The following L3MBTL4 variants were observed in gnomAD, a reference collection of about 807,000 sequenced individuals.
L3MBTL4 encodes the protein L3MBTL histone methyl-lysine binding protein 4.
Under a neutral mutation model 84.5 loss-of-function variants are expected in L3MBTL4, and 70 were observed. The ratio of observed to expected loss-of-function variants is 0.83; its 90% confidence interval spans 0.68 to 1.01. The LOEUF (loss-of-function observed/expected upper bound fraction) is 1.01, where lower values mean the gene tolerates loss of function less well. L3MBTL4 is among the 50% of genes least tolerant of loss of function. The probability of loss-of-function intolerance (pLI) is 0.00; values close to 1 mark genes in which losing one functional copy is unlikely to be tolerated. For synonymous variants in L3MBTL4, 274 were observed against 259.8 expected (o/e 1.05, Z -0.52); for missense variants, 715 against 754.8 (o/e 0.95, Z 0.62).
chr18:6,140,462 G>A (rs751266147), intron 13 of L3MBTL4, among the ~76,000 whole-genome samples: 3 of 152,054 alleles, frequency 2.0e-5, no homozygotes, highest in Non-Finnish European at 4.4e-5. Context: ...TTGTGCAGAC[G>A]AGGTGTTATC....
At chr18:6,295,101 A>G (rs2050032762) in intron 4 of L3MBTL4, among the ~76,000 whole-genome samples, 1 of 151,938 alleles carries the variant, frequency 6.6e-6, no homozygotes, top group Non-Finnish European at 1.5e-5. Flanking sequence ...GTGAAACCCC[A>G]TTTCTACTAA....
At chr18:6,022,141 T>C (rs1224887277) in intron 16 of L3MBTL4, among the ~76,000 whole-genome samples, 1 of 152,246 alleles carries the variant, frequency 6.6e-6, no homozygotes, top group East Asian at 1.9e-4. Context: ...CTGTACAATC[T>C]ATTTCTCCAC....
chr18:6,272,236 T>C (rs2048905425), intron 4 of L3MBTL4, among the ~76,000 whole-genome samples: 1 of 151,958 alleles, frequency 6.6e-6, no homozygotes, highest in Non-Finnish European at 1.5e-5. Context: ...GACCCTGAGA[T>C]AAAAAGGCGG....
intron 13 of L3MBTL4, among the ~76,000 whole-genome samples, chr18:6,140,048 C>G (rs923199998): frequency 6.6e-6 from 1 of 152,198 alleles, no homozygotes; most frequent in East Asian, 1.9e-4. Flanking sequence ...CCCAACCCAT[C>G]TGGGCCACAC....
At chr18:6,356,158 G>C (rs538756346) in intron 1 of L3MBTL4, among the ~76,000 whole-genome samples, 1 of 152,292 alleles carries the variant, frequency 6.6e-6, no homozygotes, top group African/African-American at 2.4e-5. Flanking sequence ...AAATAATTCT[G>C]TAGTATTCTC....
At chr18:6,307,997 T>C (rs11661304) in intron 3 of L3MBTL4, among the ~76,000 whole-genome samples, 28,752 of 152,128 alleles carry the variant, frequency 0.19, 2,847 homozygotes, top group African/African-American at 0.23. Flanking sequence ...GCAGAACGCT[T>C]ACATACACAC....
intron 18 of L3MBTL4, 59 bp downstream of exon 18, chr18:5,960,035 T>G: frequency 3.8e-6 from 1 of 260,234 alleles, no homozygotes. Flanking sequence ...CATATATATA[T>G]ATACACACAC....
At chr18:5,997,278 G>A (rs186073361) in intron 16 of L3MBTL4, among the ~76,000 whole-genome samples, 1 of 150,542 alleles carries the variant, frequency 6.6e-6, no homozygotes, top group East Asian at 1.9e-4. Flanking sequence ...AACTATGTCA[G>A]GCAAACTCGC....
At chr18:6,166,347 ACT>A (rs1216980736) in intron 13 of L3MBTL4, among the ~76,000 whole-genome samples, 3 of 150,598 alleles carry the variant, frequency 2.0e-5, no homozygotes, top group Admixed American at 1.3e-4. Context: ...CATCTACAGA[ACT>A]CTCCACCCCA....
intron 1 of L3MBTL4, among the ~76,000 whole-genome samples, chr18:6,376,138 A>T (rs1205814803): frequency 6.6e-6 from 1 of 152,170 alleles, no homozygotes; most frequent in East Asian, 1.9e-4. Flanking sequence ...CCTCACTGGC[A>T]ACAGTGGCCC....
At chr18:5,960,246 T>C in intron 17 of L3MBTL4, 90 bp from the exon 18 acceptor site, 1 of 658,030 alleles carries the variant, frequency 1.5e-6, no homozygotes, top group East Asian at 3.1e-5. Flanking sequence ...AAAATATACT[T>C]AAAATCTCTC....
chr18:6,293,098 C>A (rs80246826), intron 4 of L3MBTL4, among the ~76,000 whole-genome samples: 5,363 of 152,260 alleles, frequency 0.035, 124 homozygotes, highest in Admixed American at 0.083. Flanking sequence ...ATTCTTTCTT[C>A]CCAAATAAAA....
At chr18:6,279,002 C>G (rs537536534) in intron 4 of L3MBTL4, among the ~76,000 whole-genome samples, 33 of 151,930 alleles carry the variant, frequency 2.2e-4, no homozygotes, top group African/African-American at 6.0e-4. Flanking sequence ...TGACCAGGAA[C>G]GTAGAGAAAA....
Position 6,030,610 on chromosome 18 carries a change from C to T in L3MBTL4, c.1444+50271G>A, listed in dbSNP as rs574003252. 3,186 of 779,562 alleles carry T rather than the reference C, an allele frequency of 4.1e-3. 11 individuals carry two copies. Among genetic ancestry groups the T allele is most frequent in the Non-Finnish European group, 4.6e-3 (2,958 of 642,588 alleles). The allele number at this position is 779,562 out of a possible 1,614,324, so 48.3% of individuals were successfully genotyped here. The stretch of plus-strand genomic sequence containing the variant: ...ACCTCCCAGGTTCAAGCGATTCTCT[C>T]GCCTCAGCTTCCTGAGTAGCTGGGA... On this transcript the variant is annotated intron_variant, in intron 16 of 18. Coordinates refer to ENST00000317931, the MANE Select transcript of L3MBTL4 (RefSeq NM_001330559.2).
At chr18:6,192,342 G>A (rs1372500593) in intron 12 of L3MBTL4, among the ~76,000 whole-genome samples, 1 of 152,226 alleles carries the variant, frequency 6.6e-6, no homozygotes, top group Non-Finnish European at 1.5e-5. Context: ...GTGAGTTGCT[G>A]AAAGGTGGCA....
intron 14 of L3MBTL4, among the ~76,000 whole-genome samples, chr18:6,112,778 T>C (rs910932963): frequency 4.6e-5 from 7 of 152,242 alleles, no homozygotes; most frequent in Admixed American, 1.3e-4. Flanking sequence ...GTCATAGTTA[T>C]ATTTATAAAA....
intron 4 of L3MBTL4, among the ~76,000 whole-genome samples, chr18:6,294,714 C>CAAAA (rs139320981): frequency 0.17 from 26,218 of 151,670 alleles, 2,281 homozygotes; most frequent in Middle Eastern, 0.22. Flanking sequence ...CTCAATCAAT[C>CAAAA]AAAACAAAAC....
chr18:6,379,985 C>G (rs373923562), intron 1 of L3MBTL4, among the ~76,000 whole-genome samples: 8 of 152,284 alleles, frequency 5.3e-5, no homozygotes, highest in African/African-American at 1.9e-4. Flanking sequence ...ATTACTGCCT[C>G]AATTTCAGAA....
At chr18:6,121,245 C>T (rs1197205968) in intron 14 of L3MBTL4, among the ~76,000 whole-genome samples, 1 of 152,172 alleles carries the variant, frequency 6.6e-6, no homozygotes, top group African/African-American at 2.4e-5. Flanking sequence ...CCTGGCATTT[C>T]TAACGCAATC....
Sources: gnomAD v4.1 joint callset for allele counts (sites outside exome capture counted in the v4.1 genomes callset) on GRCh38, gnomAD v4.1.1 for gene constraint, MANE v1.5 for transcripts, NCBI Gene and HGNC (gene_info 2026-07-23, HGNC 2026-07-21) for gene names.